Variants in ROR1 observed in about 807,000 individuals in gnomAD.
ROR1 encodes ROR family WNT receptor 1.
In ROR1, 19 loss-of-function variants were observed where a neutral mutation model predicts 78.8. The ratio of observed to expected loss-of-function variants is 0.24; its 90% confidence interval spans 0.17 to 0.35. The LOEUF (loss-of-function observed/expected upper bound fraction) is 0.35, where lower values mean the gene tolerates loss of function less well. Ranked by LOEUF, ROR1 falls within the 10% of genes least tolerant of loss-of-function variation. The pLI, the probability that ROR1 is intolerant of heterozygous loss-of-function variation, is 1.00. For synonymous variants in ROR1, 386 were observed against 433.6 expected (o/e 0.89, Z 1.36); for missense variants, 917 against 1,177.8 (o/e 0.78, Z 3.24).
At chr1:63,882,454 T>A (rs957180278) in intron 1 of ROR1, among the ~76,000 whole-genome samples, 2 of 152,190 alleles carry the variant, frequency 1.3e-5, no homozygotes, top group Non-Finnish European at 2.9e-5. Flanking sequence ...ACGTGCATGT[T>A]GATCAGATTA....
intron 8 of ROR1, among the ~76,000 whole-genome samples, chr1:64,165,377 C>T (rs147962091): frequency 1.3e-5 from 2 of 152,182 alleles, no homozygotes; most frequent in African/African-American, 4.8e-5. Context: ...TTGTTGGCCA[C>T]ACGTATGTCT....
At chr1:63,932,691 G>C (rs1645763728) in intron 1 of ROR1, among the ~76,000 whole-genome samples, 1 of 152,182 alleles carries the variant, frequency 6.6e-6, no homozygotes, top group African/African-American at 2.4e-5. Context: ...CTTTATAGAA[G>C]GGAAAACAGT....
intron 1 of ROR1, among the ~76,000 whole-genome samples, chr1:63,855,750 G>C (rs956059959): frequency 6.6e-6 from 1 of 151,626 alleles, no homozygotes; most frequent in Non-Finnish European, 1.5e-5. Flanking sequence ...CCTGGTTCAA[G>C]TGATTCTCCT....
At chr1:64,055,435 C>T (rs562058927) in intron 4 of ROR1, among the ~76,000 whole-genome samples, 62 of 152,350 alleles carry the variant, frequency 4.1e-4, no homozygotes, top group Middle Eastern at 3.4e-3. Flanking sequence ...CTGGCAGTGT[C>T]ACAATACACA....
Position 63,986,619 on chromosome 1 carries a change from G to A in ROR1, c.92-22686G>A, listed in dbSNP as rs538955316. Among the ~76,000 whole-genome samples the A allele has an allele frequency of 6.6e-5, 10 of 152,312 alleles. 1 individual carries two copies. The South Asian group carries it at 1.4e-3, about 22-fold the overall frequency. On this transcript the variant is annotated intron_variant, in intron 1 of 8. Coordinates refer to ENST00000371079, the MANE Select transcript of ROR1 (RefSeq NM_005012.4). ...TTAGAAAAGTGTCACCAGGCTGGGCGTGGTGGCTCACGCCTGTAATCCCAA... is the reference window on the plus strand; with the variant it reads ...TTAGAAAAGTGTCACCAGGCTGGGCATGGTGGCTCACGCCTGTAATCCCAA...
At chr1:64,069,021 T>C (rs1646980177) in intron 4 of ROR1, among the ~76,000 whole-genome samples, 1 of 152,182 alleles carries the variant, frequency 6.6e-6, no homozygotes, top group South Asian at 2.1e-4. Context: ...TCTTTTACCA[T>C]CTCTGTATCT....
chr1:64,110,897 C>T (rs1648066882), intron 4 of ROR1: 1 of 151,930 alleles, frequency 6.6e-6, no homozygotes, highest in Non-Finnish European at 1.5e-5. Flanking sequence ...TATTTGTGAG[C>T]CCAGGTAATT....
At chr1:63,789,313 C>G in intron 1 of ROR1, 1 of 506,598 alleles carries the variant, frequency 2.0e-6, no homozygotes, top group Non-Finnish European at 3.7e-6. Flanking sequence ...ATGGCTGTGA[C>G]CATAGCAGTG....
At chr1:64,103,606 A>G (rs1360369992) in intron 4 of ROR1, among the ~76,000 whole-genome samples, 1 of 152,156 alleles carries the variant, frequency 6.6e-6, no homozygotes, top group Non-Finnish European at 1.5e-5. Flanking sequence ...AGAACTTAGT[A>G]TATTAACTGA....
chr1:64,012,330 G>A (rs1300436835), intron 2 of ROR1, among the ~76,000 whole-genome samples: 2 of 152,118 alleles, frequency 1.3e-5, no homozygotes, highest in African/African-American at 2.4e-5. Flanking sequence ...AGCACCTTGG[G>A]CCATTGGGAT....
chr1:64,001,700 T>A (rs1646384358), intron 1 of ROR1, among the ~76,000 whole-genome samples: 2 of 152,074 alleles, frequency 1.3e-5, no homozygotes, highest in Admixed American at 1.3e-4. Context: ...TCCAGCACCT[T>A]CCCACAGGTA....
chr1:63,822,921 A>G (rs976909373), intron 1 of ROR1, among the ~76,000 whole-genome samples: 1 of 152,118 alleles, frequency 6.6e-6, no homozygotes, highest in Non-Finnish European at 1.5e-5. Context: ...CTACACAATC[A>G]TTGTGGCTAC....
At chr1:63,907,239 G>A (rs1056196564) in intron 1 of ROR1, among the ~76,000 whole-genome samples, 4 of 152,178 alleles carry the variant, frequency 2.6e-5, no homozygotes, top group African/African-American at 9.7e-5. Flanking sequence ...TGGTGTGGGA[G>A]CAGCACGTTG....
chr1:63,952,987 G>A (rs1014958985), intron 1 of ROR1, among the ~76,000 whole-genome samples: 19 of 152,106 alleles, frequency 1.2e-4, no homozygotes, highest in Admixed American at 3.3e-4. Context: ...AAGGGGATGG[G>A]GATCAATGAA....
chr1:63,910,926 A>G (rs780022370), intron 1 of ROR1, among the ~76,000 whole-genome samples: 3 of 152,146 alleles, frequency 2.0e-5, no homozygotes, highest in Non-Finnish European at 4.4e-5. Context: ...GCTGCATTCT[A>G]TTTAACAGTT....
chr1:64,029,197 G>A (rs1646640216), intron 2 of ROR1, among the ~76,000 whole-genome samples: 1 of 152,118 alleles, frequency 6.6e-6, no homozygotes, highest in Non-Finnish European at 1.5e-5. Flanking sequence ...AATAGTACCT[G>A]TGAATCATAC....
intron 7 of ROR1, among the ~76,000 whole-genome samples, chr1:64,146,948 T>C (rs1649489899): frequency 6.6e-6 from 1 of 152,208 alleles, no homozygotes; most frequent in African/African-American, 2.4e-5. Flanking sequence ...GCTACAGGAC[T>C]TGTCTAAATC....
At chr1:64,167,009 A>G (rs1275643580) in intron 8 of ROR1, among the ~76,000 whole-genome samples, 1 of 152,198 alleles carries the variant, frequency 6.6e-6, no homozygotes, top group Admixed American at 6.5e-5. Flanking sequence ...AGTAGGTACT[A>G]ATTTAAGTCT....
chr1:63,953,172 C>A (rs1645954456), intron 1 of ROR1, among the ~76,000 whole-genome samples: 1 of 152,168 alleles, frequency 6.6e-6, no homozygotes. Flanking sequence ...CAGAATGGAA[C>A]TTGTATATTC....
Sources: allele counts gnomAD v4.1 joint callset (sites outside exome capture counted in the v4.1 genomes callset), GRCh38; gene constraint gnomAD v4.1.1; transcripts MANE v1.5; gene names NCBI Gene and HGNC (gene_info 2026-07-23, HGNC 2026-07-21).